Variants in CFAP91 observed in about 807,000 individuals in gnomAD.
CFAP91 encodes the protein cilia- and flagella-associated protein 91.
A neutral mutation model predicts 95.9 loss-of-function variants in CFAP91; 85 were observed. That is an observed-to-expected ratio of 0.89 (90% CI 0.74 to 1.06). The LOEUF (loss-of-function observed/expected upper bound fraction) is 1.06. Ranked by LOEUF, CFAP91 falls within the 50% of genes least tolerant of loss-of-function variation. The pLI is 0.00. For synonymous variants in CFAP91, 335 were observed against 327.5 expected (o/e 1.02, Z -0.25); for missense variants, 962 against 943.4 (o/e 1.02, Z -0.26).
chr3:119,707,506 C>G lies in CFAP91; in HGVS notation c.304C>G (p.Arg102Gly). Residue 102 changes from arginine to glycine, a missense_variant, in exon 3 of 18, where the codon CGG becomes GGG. By Grantham distance (125) the Arg-to-Gly change is moderately radical (BLOSUM62 -2). Coordinates refer to ENST00000273390, the MANE Select transcript of CFAP91 (RefSeq NM_033364.4). ...AGATCCTGTCCCACCATTTATCAGTCGGGAATGGAAGGGACATAAGGAGAA... is the reference window on the plus strand; with the variant it reads ...AGATCCTGTCCCACCATTTATCAGTGGGGAATGGAAGGGACATAAGGAGAA... ...KSDPVPPFIS[R>G]EWKGHKEKHR... is the part of the protein sequence containing the mutation. 1 of 1,597,684 alleles carries G rather than the reference C, an allele frequency of 6.3e-7. No individual in the cohort carries two copies. Among genetic ancestry groups the G allele is most frequent in the South Asian group, 1.1e-5 (1 of 88,910 alleles).
chr3:119,723,475 AAGAT>A (rs1187745853), intron 6 of CFAP91, among the ~76,000 whole-genome samples: 4 of 152,334 alleles, frequency 2.6e-5, no homozygotes, highest in Middle Eastern at 3.4e-3. Flanking sequence ...GTCATTTGAG[AAGAT>A]AGATAGCTTA....
At chr3:119,744,614 G>A (rs969473822) in intron 14 of CFAP91, among the ~76,000 whole-genome samples, 9 of 152,110 alleles carry the variant, frequency 5.9e-5, no homozygotes, top group Admixed American at 2.0e-4. Flanking sequence ...ATCCAGTTTC[G>A]GGCTTAAGCA....
intron 3 of CFAP91, among the ~76,000 whole-genome samples, 195 bp from the exon 4 acceptor site, chr3:119,708,396 G>A (rs904727596): frequency 1.2e-4 from 18 of 152,044 alleles, no homozygotes; most frequent in African/African-American, 3.4e-4. Flanking sequence ...GTCTGACTAG[G>A]TTCTGGTCTC....
rs777444502 is a variant in CFAP91 at position 119,703,165 on chromosome 3, G to A, written c.67G>A (p.Glu23Lys). Residue 23 changes from glutamate to lysine, a missense_variant, in exon 1 of 18, where the codon GAG becomes AAG. Coordinates refer to ENST00000273390, the MANE Select transcript of CFAP91 (RefSeq NM_033364.4). ...GCAGGTGTCTCAAACTCGGTACCGG[G>A]AGAGGTCGCGGGCTGGGAGCCACAT... ...QPQVSQTRYR[E>K]RSRAGSHISS... 2.5e-6 allele frequency: 4 copies of A among 1,606,300 alleles called. No individual in the cohort carries two copies. The highest frequency in any genetic ancestry group is 1.1e-5 in the South Asian group (1 of 89,788).
intron 12 of CFAP91, 140 bp downstream of exon 12, chr3:119,739,466 T>C (rs2107898124): frequency 2.8e-6 from 2 of 707,900 alleles, no homozygotes; most frequent in South Asian, 3.9e-5. Context: ...TGCCTACCCA[T>C]TTCCTTCTGG....
At chr3:119,739,360 CT>C (rs1206849633) in intron 12 of CFAP91, 34 bp downstream of exon 12, 2 of 1,597,272 alleles carry the variant, frequency 1.3e-6, no homozygotes, top group South Asian at 2.2e-5. Context: ...CTGCATTTCT[CT>C]TTTGAGAATA....
intron 17 of CFAP91, among the ~76,000 whole-genome samples, chr3:119,755,672 A>G (rs2054414150): frequency 6.6e-6 from 1 of 152,234 alleles, no homozygotes; most frequent in Non-Finnish European, 1.5e-5. Flanking sequence ...GCTGTAAGCT[A>G]TCCAATCTAT....
chr3:119,711,224 T>C (rs538379597), intron 5 of CFAP91, among the ~76,000 whole-genome samples: 19 of 152,364 alleles, frequency 1.2e-4, no homozygotes, highest in Admixed American at 9.1e-4. Context: ...TGGATGGCTT[T>C]GGCTCTTTAT....
At chr3:119,711,697 G>A (rs761180779) in intron 5 of CFAP91, among the ~76,000 whole-genome samples, 4 of 152,180 alleles carry the variant, frequency 2.6e-5, no homozygotes, top group African/African-American at 4.8e-5. Context: ...TGAGTATAAT[G>A]CCACCTTGTG....
At chr3:119,760,045 G>A (rs1455174598) in intron 17 of CFAP91, among the ~76,000 whole-genome samples, 1 of 151,900 alleles carries the variant, frequency 6.6e-6, no homozygotes, top group Non-Finnish European at 1.5e-5. Flanking sequence ...TACCTTGAAT[G>A]TAATTAGATT....
rs1007945476 is a variant in CFAP91, at chr3:119,744,117, G to T, written c.1823G>T (p.Arg608Leu). 1.3e-5 allele frequency: 21 copies of T among 1,613,990 alleles called. No homozygotes were observed. Among genetic ancestry groups the T allele is most frequent in the Non-Finnish European group, 1.7e-5 (20 of 1,180,014 alleles). The change falls in exon 14 of 18, where the codon CGG becomes CTG. Residue 608 changes from arginine (R) to leucine (L), a missense_variant. Arg to Leu is a moderately radical substitution (Grantham distance 102, BLOSUM62 -2). Transcript: ENST00000273390. ...AFVMLAERQR[R>L]VREAEESGRR... The stretch of plus-strand genomic sequence containing the variant: ...GTCATGCTGGCTGAGCGCCAGCGGC[G>T]GGTACGAGAGGCTGAAGAGAGTGGT...
At position 119,726,213 on chromosome 3, in the gene CFAP91, A is replaced by G. The variant is rs1162341548; in HGVS notation, c.725A>G (p.Glu242Gly). 2.5e-6 allele frequency: 4 copies of G among 1,613,316 alleles called. No homozygotes were observed. In the South Asian group the frequency reaches 4.4e-5, roughly 18 times the overall value. Reference protein sequence around the residue: ...PAGQAEVEMIERAREKRAWEA... With the variant: ...PAGQAEVEMIGRAREKRAWEA... ...GGACAAGCTGAGGTGGAGATGATAG[A>G]AAGAGCCCGCGAGAAGCGTGCTTGG... The change falls in exon 7 of 18, where the codon GAA (glutamate) becomes GGA (glycine). Residue 242 changes from glutamate (E) to glycine (G), a missense_variant. Physicochemically the swap from Glu to Gly is moderately conservative, Grantham distance 98 (BLOSUM62 -2). Transcript: ENST00000273390.
chr3:119,737,376 A>C lies in CFAP91; in HGVS notation c.1355A>C (p.Asp452Ala). 6.3e-7 allele frequency: 1 copy of C among 1,584,128 alleles called. No homozygotes were observed. The highest frequency in any genetic ancestry group is 1.4e-5 in the African/African-American group (1 of 73,440). Residue 452 changes from aspartate to alanine, a missense_variant, in exon 11 of 18, where the codon GAT (aspartate) becomes GCT (alanine). Transcript: ENST00000273390. The stretch of plus-strand genomic sequence containing the variant: ...TTGGCATTATTTCAGGCACTGTTGG[A>C]TAAGAAGAATAAAGTTCTTGAAGTA... Reference protein sequence around the residue: ...ELAEVHKALLDKKNKVLEVKK... With the variant: ...ELAEVHKALLAKKNKVLEVKK...
At chr3:119,708,478 T>C (rs991224038) in intron 3 of CFAP91, 113 bp from the exon 4 acceptor site, 1 of 684,240 alleles carries the variant, frequency 1.5e-6, no homozygotes, top group African/African-American at 1.9e-5. Context: ...AAGACTTTAC[T>C]CTCAGTATGA....
In CFAP91 at chr3:119,737,367, C is replaced by T. The variant is rs780817834; in HGVS notation, c.1346C>T (p.Ala449Val). The stretch of plus-strand genomic sequence containing the variant: ...TTATATTAATTGGCATTATTTCAGG[C>T]ACTGTTGGATAAGAAGAATAAAGTT... ...LDYELAEVHK[A>V]LLDKKNKVLE... The change falls in exon 11 of 18, where the codon GCA becomes GTA. Residue 449 changes from alanine (A) to valine (V), a missense_variant and splice_region_variant. Coordinates refer to ENST00000273390, the MANE Select transcript of CFAP91 (RefSeq NM_033364.4). The T allele has an allele frequency of 1.9e-6, 3 of 1,547,420 alleles. No individual in the cohort carries two copies. Among genetic ancestry groups the T allele is most frequent in the African/African-American group, 2.8e-5 (2 of 71,728 alleles).
At chr3:119,726,840 TG>T (rs2053793812) in intron 7 of CFAP91, among the ~76,000 whole-genome samples, 1 of 121,398 alleles carries the variant, frequency 8.2e-6, no homozygotes, top group African/African-American at 3.1e-5. Context: ...CCCAAGACAC[TG>T]GGTTCACAGT....
At chr3:119,729,105 T>G (rs1406701746) in intron 7 of CFAP91, among the ~76,000 whole-genome samples, 2 of 152,150 alleles carry the variant, frequency 1.3e-5, no homozygotes, top group African/African-American at 4.8e-5. Flanking sequence ...AAGGAAAACC[T>G]TGACAGCTGG....
At chr3:119,730,973 A>T (rs1330727253) in intron 8 of CFAP91, among the ~76,000 whole-genome samples, 1 of 152,220 alleles carries the variant, frequency 6.6e-6, no homozygotes, top group South Asian at 2.1e-4. Context: ...GAGGTAGCTC[A>T]CACCTGTAAT....
chr3:119,724,117 G>A (rs540157237), intron 6 of CFAP91, among the ~76,000 whole-genome samples: 2 of 147,846 alleles, frequency 1.4e-5, no homozygotes, highest in East Asian at 2.0e-4. Flanking sequence ...GCAGGGAGCC[G>A]AGATCGTGCC....
Sources: allele counts gnomAD v4.1 joint callset (sites outside exome capture counted in the v4.1 genomes callset), GRCh38; gene constraint gnomAD v4.1.1; transcripts MANE v1.5; gene names NCBI Gene and HGNC (gene_info 2026-07-23, HGNC 2026-07-21).